PALS2: variants seen among roughly 807,000 people sequenced by gnomAD.
The protein encoded by PALS2 is protein associated with LIN7 2, MAGUK p55 family member, also known as protein PALS2.
In PALS2, 27 loss-of-function variants were observed where a neutral mutation model predicts 61.6. That is an observed-to-expected ratio of 0.44 (90% confidence interval 0.32 to 0.60). PALS2 has a LOEUF of 0.60. Among genes scored for constraint, PALS2 ranks in the 20% least tolerant of loss-of-function variants. The probability of loss-of-function intolerance (pLI) is 0.05; values close to 1 mark genes in which losing one functional copy is unlikely to be tolerated. For missense variants in PALS2, 554 were observed against 639.4 expected (o/e 0.87, Z 1.44); for synonymous variants, 236 against 218.6 (o/e 1.08, Z -0.70).
In PALS2 at chr7:24,687,500, T is replaced by C. The variant is rs1417858121; in HGVS notation, c.1509T>C (p.Tyr503=). 1 of 1,613,222 alleles carries C rather than the reference T, an allele frequency of 6.2e-7. No homozygotes were observed. Among genetic ancestry groups the C allele is most frequent in the Admixed American group, 1.7e-5 (1 of 59,852 alleles). The change falls in exon 12 of 12, where the codon TAT becomes TAC. Residue 503 remains tyrosine (Y), a synonymous_variant. Coordinates refer to ENST00000222644, the MANE Select transcript of PALS2 (RefSeq NM_001303037.2). The surrounding 1 kb of genome is among the most constrained non-coding windows in gnomAD (Gnocchi z 4.5). The part of the protein sequence containing the change: ...SARIQRAYNH[Y]FDLIIINDNL... ...GGATTCAGAGAGCATACAACCACTA[T>C]TTTGATTTGATCATCATAAATGATA...
intron 1 of PALS2, among the ~76,000 whole-genome samples, chr7:24,590,959 C>A (rs185247057): frequency 3.3e-5 from 5 of 151,940 alleles, no homozygotes; most frequent in African/African-American, 1.2e-4. Flanking sequence ...AACCAGCAAG[C>A]CTTTCTTATC....
intron 1 of PALS2, among the ~76,000 whole-genome samples, chr7:24,576,113 C>G (rs571209783): frequency 3.0e-4 from 45 of 152,028 alleles, no homozygotes; most frequent in African/African-American, 1.1e-3. Flanking sequence ...AAAACTTAGG[C>G]GGAGAAAAAT....
At chr7:24,590,105 A>G (rs980263291) in intron 1 of PALS2, among the ~76,000 whole-genome samples, 2 of 152,188 alleles carry the variant, frequency 1.3e-5, no homozygotes. Flanking sequence ...TCACACAGTA[A>G]GTATTGACTC....
intron 5 of PALS2, among the ~76,000 whole-genome samples, chr7:24,653,741 A>G (rs1253853814): frequency 6.6e-6 from 1 of 152,246 alleles, no homozygotes; most frequent in Non-Finnish European, 1.5e-5. Context: ...CTCTGATACT[A>G]AAGAGGTATG....
intron 2 of PALS2, among the ~76,000 whole-genome samples, chr7:24,637,744 C>G (rs1320790328): frequency 1.3e-5 from 2 of 152,120 alleles, no homozygotes; most frequent in Non-Finnish European, 1.5e-5. Flanking sequence ...GTGAAATACC[C>G]AGAAGTTCTG....
chr7:24,646,619 C>G (rs748591868), intron 3 of PALS2, among the ~76,000 whole-genome samples: 5 of 152,002 alleles, frequency 3.3e-5, no homozygotes, highest in South Asian at 2.1e-4. Flanking sequence ...TTTTCTTTTT[C>G]TGTTGTGTTT....
intron 1 of PALS2, among the ~76,000 whole-genome samples, chr7:24,603,239 C>T (rs1343644133): frequency 6.6e-6 from 1 of 152,184 alleles, no homozygotes; most frequent in Non-Finnish European, 1.5e-5. Flanking sequence ...AGACAGTGAG[C>T]TTAGGACTAG....
intron 5 of PALS2, chr7:24,663,348 A>G (rs1786836781): frequency 3.3e-6 from 1 of 303,510 alleles, no homozygotes; most frequent in Non-Finnish European, 5.9e-6. Flanking sequence ...TAGAATGATT[A>G]TCAAACTCTT....
rs1323315925 is a variant in PALS2 at position 24,618,006 on chromosome 7, C to T, written c.-2-5660C>T. Among the ~76,000 whole-genome samples the T allele has an allele frequency of 6.6e-6, 1 of 152,166 alleles. No individual in the cohort carries two copies. The highest frequency in any genetic ancestry group is 2.4e-5 in the African/African-American group (1 of 41,430). ...CTGGGCTGGGTGCACAACTGCTTAG[C>T]CAGTCTGTGGGCATGTTTGTTGAGT... On this transcript the variant is annotated intron_variant, in intron 1 of 11. Coordinates refer to ENST00000222644, the MANE Select transcript of PALS2 (RefSeq NM_001303037.2). The surrounding 1 kb of genome is among the most constrained non-coding windows in gnomAD (Gnocchi z 5.1).
At chr7:24,606,662 T>A (rs1783911699) in intron 1 of PALS2, among the ~76,000 whole-genome samples, 1 of 151,986 alleles carries the variant, frequency 6.6e-6, no homozygotes, top group African/African-American at 2.4e-5. Context: ...CCAGACTGGT[T>A]TTGAATTTGG....
At chr7:24,658,273 G>T (rs1786528235) in intron 5 of PALS2, among the ~76,000 whole-genome samples, 1 of 152,102 alleles carries the variant, frequency 6.6e-6, no homozygotes. Flanking sequence ...TTCAGATTGG[G>T]TCTTTTTTAT....
At chr7:24,647,471 G>T (rs1785901178) in intron 3 of PALS2, among the ~76,000 whole-genome samples, 1 of 151,996 alleles carries the variant, frequency 6.6e-6, no homozygotes. Context: ...TCTTTTGGAA[G>T]GTTTTTTGTG....
At chr7:24,623,892 G>T in intron 2 of PALS2, 108 bp downstream of exon 2, 1 of 1,000,984 alleles carries the variant, frequency 1.0e-6, no homozygotes, top group South Asian at 1.7e-5. Context: ...ATTAGGTTTA[G>T]TTAGCAAATA....
chr7:24,611,783 G>T (rs1023893662), intron 1 of PALS2, among the ~76,000 whole-genome samples: 1 of 151,818 alleles, frequency 6.6e-6, no homozygotes, highest in Admixed American at 6.6e-5. Flanking sequence ...GTGCAGGGAG[G>T]GTTTTGCATC....
rs1333707369 is a variant in PALS2, at chr7:24,679,086, C to T, written c.1115-45C>T. Reference sequence around the variant, plus strand: ...TATGTATTTTAGTCTATTTTTTATGCCCTAAAATTTCTTTGTACAAAAATC... The same window carrying T: ...TATGTATTTTAGTCTATTTTTTATGTCCTAAAATTTCTTTGTACAAAAATC... On this transcript the variant is annotated intron_variant, in intron 9 of 11. Coordinates refer to ENST00000222644, the MANE Select transcript of PALS2 (RefSeq NM_001303037.2). 4 of 1,556,688 alleles carry T rather than the reference C, an allele frequency of 2.6e-6. No individual in the cohort carries two copies. The South Asian group carries it at 4.5e-5, about 17-fold the overall frequency.
rs1788253942 is a variant in PALS2, at chr7:24,687,259, A to C, written c.1447-179A>C. Among the ~76,000 whole-genome samples the C allele has an allele frequency of 6.6e-6, 1 of 152,210 alleles. No homozygotes were observed. The highest frequency in any genetic ancestry group is 2.4e-5 in the African/African-American group (1 of 41,444). ...TGTAAACATGAGTGTTGTTGGAAAG[A>C]ATAAGACATGAACAGATGGCAGTGT... On this transcript the variant is annotated intron_variant, in intron 11 of 11. Coordinates refer to ENST00000222644, the MANE Select transcript of PALS2 (RefSeq NM_001303037.2). The surrounding 1 kb of genome is among the most constrained non-coding windows in gnomAD (Gnocchi z 4.5).
At chr7:24,626,978 A>G (rs186625292) in intron 2 of PALS2, among the ~76,000 whole-genome samples, 9 of 152,314 alleles carry the variant, frequency 5.9e-5, no homozygotes, top group African/African-American at 2.2e-4. Flanking sequence ...GAAAATTAAC[A>G]AGGATATTCA....
chr7:24,690,107 T>G lies in PALS2; in HGVS notation c.*2493T>G, dbSNP rs1374152497. On this transcript the variant is annotated 3_prime_UTR_variant, in exon 12 of 12. Coordinates refer to ENST00000222644, the MANE Select transcript of PALS2 (RefSeq NM_001303037.2). ...TTAATGCACATTAGATTTCTCCTAA[T>G]ATAAAATGAAATGATGCAGTTTAGT... The G allele has an allele frequency of 6.6e-6, 1 of 152,200 alleles. No homozygotes were observed. 9.4% of individuals were successfully genotyped at this position (152,200 alleles called of 1,614,324 possible).
intron 8 of PALS2, among the ~76,000 whole-genome samples, chr7:24,667,216 C>A (rs1010575559): frequency 6.6e-6 from 1 of 152,010 alleles, no homozygotes; most frequent in African/African-American, 2.4e-5. Flanking sequence ...AAAATATATG[C>A]CCATAAGGCT....
Sources: gnomAD v4.1 joint callset for allele counts (sites outside exome capture counted in the v4.1 genomes callset) on GRCh38, gnomAD v4.1.1 for gene constraint, Gnocchi (gnomAD v3.1) non-coding constraint, MANE v1.5 for transcripts, NCBI Gene and HGNC (gene_info 2026-07-23, HGNC 2026-07-21) for gene names.